Variants in MLLT10 observed in about 807,000 individuals in gnomAD.
The protein encoded by MLLT10 is protein AF-10.
Under a neutral mutation model 129.1 loss-of-function variants are expected in MLLT10, and 30 were observed. The observed-to-expected ratio is 0.23, with a 90% CI of 0.17 to 0.32. MLLT10 has a LOEUF of 0.32. Ranked by LOEUF, MLLT10 falls within the 10% of genes least tolerant of loss-of-function variation. The pLI is 1.00. For synonymous variants in MLLT10, 490 were observed against 446.4 expected, an observed-to-expected ratio of 1.10 and a Z score of -1.23; for missense variants, 1,119 against 1,268.3, an observed-to-expected ratio of 0.88 and a Z score of 1.79.
intron 3 of MLLT10, among the ~76,000 whole-genome samples, chr10:21,540,036 C>A (rs1015622478): frequency 2.0e-5 from 3 of 152,044 alleles, no homozygotes; most frequent in Admixed American, 2.0e-4. Flanking sequence ...AGGAGGATTG[C>A]TTGAGTCCAG....
intron 3 of MLLT10, chr10:21,556,896 C>T: frequency 6.4e-7 from 1 of 1,550,684 alleles, no homozygotes; most frequent in Non-Finnish European, 8.7e-7. Flanking sequence ...GGCTTTATGC[C>T]ATTTATCTCA....
intron 13 of MLLT10, among the ~76,000 whole-genome samples, chr10:21,699,927 G>C (rs938133891): frequency 6.6e-6 from 1 of 152,024 alleles, no homozygotes; most frequent in Non-Finnish European, 1.5e-5. Flanking sequence ...ATGTTATTTT[G>C]ATAAGGACTG....
intron 4 of MLLT10, among the ~76,000 whole-genome samples, chr10:21,590,483 C>CA (rs990433603): frequency 3.3e-5 from 5 of 151,962 alleles, no homozygotes; most frequent in Admixed American, 2.6e-4. Context: ...GGATTACAGG[C>CA]AGGCACTACC....
At chr10:21,534,012 C>CGCCCCCGCGTGCG (rs1032387448), upstream of MLLT10, among the ~76,000 whole-genome samples, 1 of 151,930 alleles carries the variant, frequency 6.6e-6, no homozygotes, top group African/African-American at 2.4e-5. Context: ...CCTAACGTCC[C>CGCCCCCGCGTGCG]CGCCCCCGCG....
chr10:21,621,333 C>T (rs1308942367), intron 8 of MLLT10, among the ~76,000 whole-genome samples: 2 of 148,974 alleles, frequency 1.3e-5, no homozygotes, highest in East Asian at 2.0e-4. Context: ...CAAGCTCCGC[C>T]TTCCAGGTTC....
At chr10:21,585,374 C>T (rs1379284442) in intron 3 of MLLT10, among the ~76,000 whole-genome samples, 1 of 152,118 alleles carries the variant, frequency 6.6e-6, no homozygotes, top group East Asian at 1.9e-4. Context: ...AGTACTGGCT[C>T]TACTTTTATT....
At chr10:21,711,096 G>T (rs1458649050) in intron 13 of MLLT10, among the ~76,000 whole-genome samples, 1 of 151,990 alleles carries the variant, frequency 6.6e-6, no homozygotes, top group Non-Finnish European at 1.5e-5. Context: ...TCCTCAAACC[G>T]TCCTTCACCT....
At chr10:21,570,042 T>G (rs1042721625) in intron 3 of MLLT10, among the ~76,000 whole-genome samples, 5 of 152,164 alleles carry the variant, frequency 3.3e-5, no homozygotes, top group African/African-American at 1.2e-4. Flanking sequence ...CCTGAGTAGC[T>G]GGGATTACAG....
intron 14 of MLLT10, among the ~76,000 whole-genome samples, chr10:21,717,731 CTCCTCT>C (rs1564711361): frequency 6.4e-5 from 3 of 47,240 alleles, no homozygotes; most frequent in African/African-American, 1.1e-4. Flanking sequence ...CCTCCTCCTC[CTCCTCT>C]TCCTCCTCCT....
intron 8 of MLLT10, among the ~76,000 whole-genome samples, chr10:21,632,640 AAGTT>A (rs1179142873): frequency 6.6e-6 from 1 of 152,190 alleles, no homozygotes; most frequent in African/African-American, 2.4e-5. Context: ...AGTTTGTTTA[AAGTT>A]TTGTATTTGG....
chr10:21,737,425 T>G (rs2058464727), intron 21 of MLLT10, among the ~76,000 whole-genome samples: 1 of 152,058 alleles, frequency 6.6e-6, no homozygotes, highest in Non-Finnish European at 1.5e-5. Flanking sequence ...GTGTGTATGT[T>G]GATGGGACAT....
In MLLT10 at chr10:21,731,005, G is replaced by C; in HGVS notation, c.2169G>C (p.Gln723His). 1 of 1,614,164 alleles carries C rather than the reference G, an allele frequency of 6.2e-7. No homozygotes were observed. The highest frequency in any genetic ancestry group is 1.1e-5 in the South Asian group (1 of 91,086). ...GCATAGAACAGCTTTTGGAGAGGCA[G>C]TGGAGTGAAGGACAGCAATTTTTAC... The part of the protein sequence containing the change: ...AASIEQLLER[Q>H]WSEGQQFLLE... The change falls in exon 17 of 23, where the codon CAG becomes CAC. Residue 723 changes from glutamine to histidine, a missense_variant. Physicochemically the swap from Gln to His is conservative, Grantham distance 24. Around this residue, in one of 5 missense-constraint regions of MLLT10, gnomAD observed 1,004 missense variants for 1,008.7 expected, o/e 1.00. Transcript: ENST00000307729.
intron 3 of MLLT10, among the ~76,000 whole-genome samples, chr10:21,558,387 G>T (rs542294647): frequency 4.0e-5 from 6 of 151,798 alleles, no homozygotes; most frequent in Admixed American, 3.9e-4. Context: ...CTCTTTAAGG[G>T]TGCAGTGAGC....
At chr10:21,614,692 G>T in intron 6 of MLLT10, 139 bp from the exon 7 acceptor site, 1 of 631,340 alleles carries the variant, frequency 1.6e-6, no homozygotes. Flanking sequence ...CTAGAATAAA[G>T]CTTTTTATTT....
Position 21,647,371 on chromosome 10 carries a change from G to A in MLLT10, c.700-4302G>A, listed in dbSNP as rs553323443. Among the ~76,000 whole-genome samples, 3 of 152,240 alleles carry A rather than the reference G, an allele frequency of 2.0e-5. No individual in the cohort carries two copies. The South Asian group carries it at 6.2e-4, about 32-fold the overall frequency. ...GTTTCTAACTCTTGTTTTAAAAATT[G>A]TCAGCTTGGCTCAGTAGTGTGTGCC... On this transcript the variant is annotated intron_variant, in intron 8 of 22. Transcript: ENST00000307729.
At chr10:21,657,119 G>C (rs2049668667) in intron 9 of MLLT10, among the ~76,000 whole-genome samples, 1 of 151,976 alleles carries the variant, frequency 6.6e-6, no homozygotes, top group Non-Finnish European at 1.5e-5. Flanking sequence ...ATGCCAGGTG[G>C]GGTAGCTCAC....
chr10:21,655,514 C>T (rs912008735), intron 9 of MLLT10, among the ~76,000 whole-genome samples: 7 of 150,340 alleles, frequency 4.7e-5, no homozygotes, highest in Non-Finnish European at 1.0e-4. Flanking sequence ...ATGAAATAGT[C>T]TTCTTTTGAT....
Position 21,558,011 on chromosome 10 carries a change from G to T in MLLT10, c.240+19099G>T, listed in dbSNP as rs966291871. Among the ~76,000 whole-genome samples the T allele has an allele frequency of 3.7e-5, 5 of 135,664 alleles. No homozygotes were observed. The Admixed American group carries it at 4.1e-4, about 11-fold the overall frequency. The allele number at this position is 135,664 out of a possible 152,430, so 89.0% of individuals were successfully genotyped here. On this transcript the variant is annotated intron_variant, in intron 3 of 22. Transcript: ENST00000307729. ...TTTGCCCAGGCTGGAGTACAGTGGT[G>T]CGATCTGGGCTCACTGCAACCCCTG...
chr10:21,577,091 A>C (rs553585575), intron 3 of MLLT10, among the ~76,000 whole-genome samples: 2 of 152,122 alleles, frequency 1.3e-5, no homozygotes, highest in African/African-American at 2.4e-5. Flanking sequence ...CTCTATCCCT[A>C]TTTGGGACAT....
Sources: allele counts gnomAD v4.1 joint callset (sites outside exome capture counted in the v4.1 genomes callset), GRCh38; gene constraint gnomAD v4.1.1; regional missense constraint gnomAD v4.1.1; transcripts MANE v1.5; gene names NCBI Gene and HGNC (gene_info 2026-07-23, HGNC 2026-07-21).